Variants in WWP2 observed in about 807,000 individuals in gnomAD.
WWP2 encodes WW domain containing E3 ubiquitin protein ligase 2.
WWP2 carries 57 observed loss-of-function variants against 121.0 expected under a neutral mutation model. The observed-to-expected ratio is 0.47, with a 90% CI of 0.38 to 0.59. The LOEUF is 0.59. WWP2 is among the 20% of genes least tolerant of loss of function. The pLI, the probability that WWP2 is intolerant of heterozygous loss-of-function variation, is 0.00. For synonymous variants in WWP2, 449 were observed against 441.3 expected, an observed-to-expected ratio of 1.02 and a Z score of -0.22; for missense variants, 962 against 1,158.9, an observed-to-expected ratio of 0.83 and a Z score of 2.47.
chr16:69,914,825 A>G (rs1295005619), intron 9 of WWP2, among the ~76,000 whole-genome samples: 1 of 152,216 alleles, frequency 6.6e-6, no homozygotes, highest in African/African-American at 2.4e-5. Context: ...TTTGAATATG[A>G]GAGTAGAAGT....
intron 21 of WWP2, 32 bp from the exon 22 acceptor site, chr16:69,938,995 G>T: frequency 6.4e-7 from 1 of 1,574,148 alleles, no homozygotes; most frequent in Non-Finnish European, 8.6e-7. Flanking sequence ...CCCGTGGGTT[G>T]CCTGACTGTG....
intron 6 of WWP2, among the ~76,000 whole-genome samples, chr16:69,861,980 G>A (rs564899424): frequency 6.6e-6 from 1 of 152,248 alleles, no homozygotes; most frequent in East Asian, 1.9e-4. Flanking sequence ...CGCTTACCCG[G>A]ATTGGAATGT....
At chr16:69,823,502 C>T (rs1480347034) in intron 4 of WWP2, among the ~76,000 whole-genome samples, 2 of 150,224 alleles carry the variant, frequency 1.3e-5, no homozygotes, top group Admixed American at 6.6e-5. Flanking sequence ...TGGAGCCTTG[C>T]TTTCTTGCCC....
chr16:69,862,916 C>T (rs767150713), intron 6 of WWP2, among the ~76,000 whole-genome samples: 6 of 151,736 alleles, frequency 4.0e-5, no homozygotes, highest in African/African-American at 7.3e-5. Context: ...TTTATGGAGA[C>T]GAGGTCTCCC....
At chr16:69,930,887 CAAAT>C (rs1480105597) in intron 13 of WWP2, among the ~76,000 whole-genome samples, 3 of 152,128 alleles carry the variant, frequency 2.0e-5, no homozygotes, top group East Asian at 1.9e-4. Context: ...AACGAACAAA[CAAAT>C]AAATAAGATG....
At chr16:69,802,032 C>T (rs1007602173) in intron 4 of WWP2, among the ~76,000 whole-genome samples, 6 of 151,466 alleles carry the variant, frequency 4.0e-5, no homozygotes, top group African/African-American at 1.2e-4. Flanking sequence ...TGGGTTCAAG[C>T]GATTCTCCTG....
chr16:69,780,173 G>A (rs1206865822), intron 1 of WWP2, among the ~76,000 whole-genome samples: 1 of 151,548 alleles, frequency 6.6e-6, no homozygotes, highest in Non-Finnish European at 1.5e-5. Flanking sequence ...AAACGTTTGT[G>A]TGTCCACAAC....
chr16:69,909,348 C>T (rs2058347371), intron 9 of WWP2: 3 of 986,192 alleles, frequency 3.0e-6, no homozygotes, highest in Non-Finnish European at 2.4e-6. Flanking sequence ...GAAAGAATCA[C>T]CTCCCAGTAA....
chr16:69,827,888 C>A (rs1038771410), intron 4 of WWP2: 11 of 455,640 alleles, frequency 2.4e-5, no homozygotes, highest in Middle Eastern at 3.2e-4. Flanking sequence ...GTATTTATTT[C>A]CCCAGGTACC....
intron 6 of WWP2, among the ~76,000 whole-genome samples, chr16:69,854,708 G>A (rs1336935757): frequency 2.0e-5 from 3 of 152,048 alleles, no homozygotes; most frequent in Admixed American, 6.5e-5. Context: ...CTGCCACCAC[G>A]CCTGGATAAT....
intron 8 of WWP2, among the ~76,000 whole-genome samples, chr16:69,893,627 C>T (rs1055751965): frequency 1.3e-5 from 2 of 152,046 alleles, no homozygotes; most frequent in African/African-American, 2.4e-5. Flanking sequence ...GTCCAGGCTC[C>T]GTCTCCCAGG....
At chr16:69,824,534 T>G (rs1002509342) in intron 4 of WWP2, among the ~76,000 whole-genome samples, 9 of 65,216 alleles carry the variant, frequency 1.4e-4, no homozygotes, top group African/African-American at 5.5e-4. Flanking sequence ...CCCTCCCCCT[T>G]CCCTTTGTTC....
chr16:69,910,003 T>A (rs12923168), intron 9 of WWP2: 1 of 153,820 alleles, frequency 6.5e-6, no homozygotes, highest in Non-Finnish European at 1.4e-5. Context: ...TTTTTGGCTG[T>A]TTTTGTACTT....
intron 2 of WWP2, among the ~76,000 whole-genome samples, chr16:69,796,710 G>A (rs1468012352): frequency 6.6e-6 from 1 of 152,124 alleles, no homozygotes; most frequent in East Asian, 1.9e-4. Context: ...GTTAACCTTG[G>A]TCCGTGTGTA....
chr16:69,822,301 G>A (rs1487690113), intron 4 of WWP2, among the ~76,000 whole-genome samples: 1 of 152,158 alleles, frequency 6.6e-6, no homozygotes, highest in African/African-American at 2.4e-5. Context: ...AGGGCCTGAC[G>A]CTGATTTATC....
At chr16:69,797,313 C>G (rs544739732) in intron 2 of WWP2, among the ~76,000 whole-genome samples, 1 of 152,126 alleles carries the variant, frequency 6.6e-6, no homozygotes. Context: ...AATCGAAGAA[C>G]AGCAATAGAA....
At chr16:69,812,026 G>A (rs2056401463) in intron 4 of WWP2, among the ~76,000 whole-genome samples, 1 of 152,084 alleles carries the variant, frequency 6.6e-6, no homozygotes, top group Non-Finnish European at 1.5e-5. Context: ...AGATTTCCCA[G>A]CTGTCACAGT....
intron 4 of WWP2, chr16:69,838,603 G>C (rs534990716): frequency 3.3e-6 from 1 of 305,918 alleles, no homozygotes; most frequent in Non-Finnish European, 4.8e-6. Flanking sequence ...GGCTCTGCTG[G>C]GGCTGGAGCA....
chr16:69,827,923 G>A (rs188696682), intron 4 of WWP2: 235 of 455,794 alleles, frequency 5.2e-4, no homozygotes, highest in Admixed American at 1.9e-3. Context: ...AATATGCTAC[G>A]GCTTGAGAGA....
Sources: gnomAD v4.1 joint callset for allele counts (sites outside exome capture counted in the v4.1 genomes callset) on GRCh38, gnomAD v4.1.1 for gene constraint, MANE v1.5 for transcripts, NCBI Gene and HGNC (gene_info 2026-07-23, HGNC 2026-07-21) for gene names.